The following AKAP13 variants were observed in gnomAD, a reference collection of about 807,000 sequenced individuals.
The protein encoded by AKAP13 is A-kinase anchoring protein 13, also known as A-kinase anchor protein 13.
Under a neutral mutation model 264.5 loss-of-function variants are expected in AKAP13, and 80 were observed. The observed-to-expected ratio is 0.30, with a 90% CI of 0.25 to 0.36. The LOEUF (loss-of-function observed/expected upper bound fraction) is 0.36, where lower values mean the gene tolerates loss of function less well. Ranked by LOEUF, AKAP13 falls within the 10% of genes least tolerant of loss-of-function variation. The pLI is 1.00. For synonymous variants in AKAP13, 1,380 were observed against 1,250.2 expected (o/e 1.10, Z -2.19); for missense variants, 3,712 against 3,435.2 (o/e 1.08, Z -2.01).
At chr15:85,585,337 C>T (rs1335638019) in intron 7 of AKAP13, among the ~76,000 whole-genome samples, 1 of 152,086 alleles carries the variant, frequency 6.6e-6, no homozygotes, top group Non-Finnish European at 1.5e-5. Flanking sequence ...AGATGGACTA[C>T]CTAGCTTCAG....
In AKAP13 at chr15:85,383,145, A is replaced by C. The variant is rs527860802; in HGVS notation, c.-12+2347A>C. On this transcript the variant is annotated intron_variant, in intron 1 of 36. Coordinates refer to ENST00000394518, the MANE Select transcript of AKAP13 (RefSeq NM_007200.5). ...TGGACCCAAGCCATCCTCCCACCTC[A>C]GCCTCCCACAGTGTTGGAATTACAG... Among the ~76,000 whole-genome samples, 119 of 151,996 alleles carry C rather than the reference A, an allele frequency of 7.8e-4. 1 individual carries two copies. The highest frequency in any genetic ancestry group is 3.4e-3 in the Middle Eastern group (1 of 294).
At chr15:85,406,705 T>A (rs1254765002) in intron 1 of AKAP13, among the ~76,000 whole-genome samples, 2 of 151,728 alleles carry the variant, frequency 1.3e-5, no homozygotes, top group Non-Finnish European at 2.9e-5. Context: ...TTAGGAGACA[T>A]GAATTGGCTA....
intron 33 of AKAP13, among the ~76,000 whole-genome samples, chr15:85,737,431 A>G (rs975109793): frequency 3.9e-4 from 59 of 152,118 alleles, no homozygotes; most frequent in African/African-American, 1.4e-3. Context: ...ATTGCTTTTT[A>G]GAGTATAGTT....
chr15:85,503,266 A>G (rs2076086061), intron 2 of AKAP13, among the ~76,000 whole-genome samples: 1 of 152,192 alleles, frequency 6.6e-6, no homozygotes, highest in Admixed American at 6.5e-5. Flanking sequence ...TTTACAATCT[A>G]GGAGTTCTTA....
At chr15:85,572,205 G>A (rs1052331248) in intron 5 of AKAP13, among the ~76,000 whole-genome samples, 2 of 152,070 alleles carry the variant, frequency 1.3e-5, no homozygotes, top group African/African-American at 4.8e-5. Context: ...GTTATATTTG[G>A]GTCATGCTCA....
chr15:85,495,855 T>A (rs1472278127), intron 2 of AKAP13, among the ~76,000 whole-genome samples: 1 of 152,174 alleles, frequency 6.6e-6, no homozygotes, highest in African/African-American at 2.4e-5. Flanking sequence ...AGGCAAAACA[T>A]CCTGATAATA....
chr15:85,584,309 C>T (rs2079245677), intron 7 of AKAP13, among the ~76,000 whole-genome samples: 1 of 152,162 alleles, frequency 6.6e-6, no homozygotes, highest in African/African-American at 2.4e-5. Flanking sequence ...CCTGCAGAGG[C>T]TGCCGACACC....
chr15:85,546,810 C>G (rs1646811177), intron 5 of AKAP13, among the ~76,000 whole-genome samples: 1 of 150,116 alleles, frequency 6.7e-6, no homozygotes, highest in South Asian at 2.1e-4. Flanking sequence ...GTGGCACGAT[C>G]TTGTCTCACT....
chr15:85,695,434 G>A (rs4843094), intron 17 of AKAP13, among the ~76,000 whole-genome samples: 49,417 of 151,958 alleles, frequency 0.33, 8,278 homozygotes, highest in African/African-American at 0.39. Flanking sequence ...ACGTGTATTT[G>A]GACAGATTGG....
chr15:85,572,826 A>G (rs927314624), intron 5 of AKAP13, among the ~76,000 whole-genome samples: 1 of 152,012 alleles, frequency 6.6e-6, no homozygotes, highest in African/African-American at 2.4e-5. Flanking sequence ...CCTAGCCCCC[A>G]ACCACCTGAC....
intron 1 of AKAP13, among the ~76,000 whole-genome samples, chr15:85,438,504 C>T (rs1320717799): frequency 7.4e-5 from 11 of 149,092 alleles, no homozygotes; most frequent in African/African-American, 1.5e-4. Flanking sequence ...GAGCCTGCAT[C>T]GCCAAGTCAA....
At chr15:85,703,704 G>T (rs1034484286) in intron 17 of AKAP13, among the ~76,000 whole-genome samples, 25 of 151,978 alleles carry the variant, frequency 1.6e-4, no homozygotes, top group Non-Finnish European at 2.6e-4. Flanking sequence ...TTAGTCAGGC[G>T]TAGTGGCATG....
intron 2 of AKAP13, among the ~76,000 whole-genome samples, chr15:85,497,650 T>C (rs956703843): frequency 6.6e-6 from 1 of 152,176 alleles, no homozygotes; most frequent in Non-Finnish European, 1.5e-5. Flanking sequence ...TGTGACTGTT[T>C]AATTAAAGTG....
At chr15:85,400,329 G>C (rs1205343553) in intron 1 of AKAP13, among the ~76,000 whole-genome samples, 1 of 152,110 alleles carries the variant, frequency 6.6e-6, no homozygotes, top group Non-Finnish European at 1.5e-5. Flanking sequence ...AGGATCACTT[G>C]AGTCCATGAG....
intron 8 of AKAP13, among the ~76,000 whole-genome samples, chr15:85,623,727 C>T (rs2081292065): frequency 6.6e-6 from 1 of 152,210 alleles, no homozygotes; most frequent in Non-Finnish European, 1.5e-5. Context: ...TGGTCACCCA[C>T]CTGTCTGTTC....
At chr15:85,575,625 G>T (rs2078981491) in intron 6 of AKAP13, among the ~76,000 whole-genome samples, 1 of 152,064 alleles carries the variant, frequency 6.6e-6, no homozygotes, top group African/African-American at 2.4e-5. Context: ...CCAGGAGGCG[G>T]AGCTTGCAGT....
chr15:85,635,679 T>C (rs1184550432), intron 8 of AKAP13, among the ~76,000 whole-genome samples: 3 of 152,204 alleles, frequency 2.0e-5, no homozygotes, highest in East Asian at 3.8e-4. Context: ...AGGAGTTTTA[T>C]AGTTTTAGGT....
At chr15:85,527,146 G>A (rs1455318066) in intron 3 of AKAP13, among the ~76,000 whole-genome samples, 1 of 152,064 alleles carries the variant, frequency 6.6e-6, no homozygotes, top group Non-Finnish European at 1.5e-5. Context: ...GTGTTTTTTA[G>A]TAGAGACGGG....
chr15:85,591,171 G>A lies in AKAP13; in HGVS notation c.4161+5348G>A, dbSNP rs187209661. ...TCAGGATAGTTAAATGACTTACCTT[G>A]TTTCACAGCTAGTTAACTGTCAGCT... On this transcript the variant is annotated intron_variant, in intron 8 of 36. Coordinates refer to ENST00000394518, the MANE Select transcript of AKAP13 (RefSeq NM_007200.5). Among the ~76,000 whole-genome samples the A allele has an allele frequency of 2.2e-4, 33 of 152,254 alleles. No homozygotes were observed. In the East Asian group the frequency reaches 6.2e-3, roughly 29 times the overall value.
Sources: gnomAD v4.1 joint callset for allele counts (sites outside exome capture counted in the v4.1 genomes callset) on GRCh38, gnomAD v4.1.1 for gene constraint, MANE v1.5 for transcripts, NCBI Gene and HGNC (gene_info 2026-07-23, HGNC 2026-07-21) for gene names.